Variants in ETV3 observed in about 807,000 individuals in gnomAD.
ETV3 encodes ETS translocation variant 3.
Under a neutral mutation model 33.0 loss-of-function variants are expected in ETV3, and 8 were observed. The observed-to-expected ratio is 0.24, with a 90% confidence interval of 0.14 to 0.44. ETV3 has a LOEUF of 0.44. Ranked by LOEUF, ETV3 falls within the 20% of genes least tolerant of loss-of-function variation. ETV3 has a pLI of 1.00. For synonymous variants in ETV3, 222 were observed against 238.9 expected, an observed-to-expected ratio of 0.93 and a Z score of 0.65; for missense variants, 473 against 652.3, an observed-to-expected ratio of 0.73 and a Z score of 2.99.
rs565269202 is a variant in ETV3, at chr1:157,132,217, G to T, written c.400+1895C>A. On this transcript the variant is annotated intron_variant, in intron 4 of 4. Transcript: ENST00000368192. The stretch of plus-strand genomic sequence containing the variant: ...CCGGCCTTGGCCTCCCAAAGTGTTG[G>T]GATTATAGGCATGAGCCACCTGGCC... Among the ~76,000 whole-genome samples, 245 of 152,304 alleles carry T rather than the reference G, an allele frequency of 1.6e-3. 1 individual carries two copies. The highest frequency in any genetic ancestry group is 5.7e-3 in the African/African-American group (236 of 41,576).
chr1:157,132,147 C>T (rs992136864), intron 4 of ETV3, among the ~76,000 whole-genome samples: 1 of 152,276 alleles, frequency 6.6e-6, no homozygotes, highest in Admixed American at 6.5e-5. Flanking sequence ...GGGGTTTCCC[C>T]ATGTTGGCCA....
intron 4 of ETV3, chr1:157,133,196 T>C (rs1470570062): frequency 1.9e-5 from 3 of 158,934 alleles, no homozygotes; most frequent in African/African-American, 4.8e-5. Flanking sequence ...ATAATTTTTC[T>C]ATTTTATTAT....
At position 157,136,368 on chromosome 1, in the gene ETV3, G is replaced by A. The variant is rs1675111341; in HGVS notation, c.-13-3C>T. The A allele has an allele frequency of 1.9e-6, 3 of 1,605,912 alleles. No individual in the cohort carries two copies. The highest frequency in any genetic ancestry group is 2.5e-6 in the Non-Finnish European group (3 of 1,176,872). ...CGGCTTTCATTTTCACCCGCCTGCT[G>A]AGAGACACAAGCCACACAATTACTT... On this transcript the variant is annotated splice_polypyrimidine_tract_variant and splice_region_variant and intron_variant, in intron 1 of 4. Transcript: ENST00000368192.
At position 157,123,199 on chromosome 1, in the gene ETV3, G is replaced by A. The variant is rs764546171; in HGVS notation, c.*1642C>T. The A allele has an allele frequency of 6.6e-6, 1 of 152,150 alleles. No individual in the cohort carries two copies. The highest frequency in any genetic ancestry group is 1.5e-5 in the Non-Finnish European group (1 of 68,056). 9.4% of individuals were successfully genotyped at this position (152,150 alleles called of 1,614,324 possible). A position where few individuals can be genotyped will look rare whatever the true frequency, so the allele number is the denominator to read the frequency against. On this transcript the variant is annotated 3_prime_UTR_variant, in exon 5 of 5. Transcript: ENST00000368192. ...CGGATATGGAGTGATTTCTTCTCTC[G>A]CTGCTGCGACGCAGATCTGAGCCAC... is the stretch of plus-strand genomic sequence containing the variant.
intron 1 of ETV3, among the ~76,000 whole-genome samples, chr1:157,137,971 C>G (rs1056780802): frequency 6.6e-6 from 1 of 152,192 alleles, no homozygotes; most frequent in Non-Finnish European, 1.5e-5. Flanking sequence ...GACCACTCCC[C>G]GAAGAGTGAG....
At chr1:157,133,488 A>T (rs1008321980) in intron 4 of ETV3, 213 of 985,860 alleles carry the variant, frequency 2.2e-4, no homozygotes, top group Non-Finnish European at 2.2e-4. Context: ...TCAAGAGAGA[A>T]TGTGGGGAGC....
Position 157,123,657 on chromosome 1 carries a change from T to C in ETV3, c.*1184A>G, listed in dbSNP as rs559324797. 6.6e-6 allele frequency: 1 copy of C among 152,364 alleles called. No individual in the cohort carries two copies. The highest frequency in any genetic ancestry group is 1.9e-4 in the East Asian group (1 of 5,192). The allele number at this position is 152,364 out of a possible 1,614,324, so 9.4% of individuals were successfully genotyped here. ...TCTTAACTCCCACAAGCCTGCCTTT[T>C]GGCTACCCATCCCAACAATATCAAG... On this transcript the variant is annotated 3_prime_UTR_variant, in exon 5 of 5. Transcript: ENST00000368192.
chr1:157,134,812 T>G (rs927753623), intron 3 of ETV3, among the ~76,000 whole-genome samples: 4 of 152,228 alleles, frequency 2.6e-5, no homozygotes, highest in African/African-American at 9.6e-5. Context: ...AGAGTTTACA[T>G]TTCAGGTCAG....
rs763154521 is a variant in ETV3 at position 157,124,430 on chromosome 1, T to C, written c.*411A>G. ...CCTCCCAACCATGCCCTTTTCCCTT[T>C]TATGTGTATCTCTTGGAGTAAAATA... On this transcript the variant is annotated 3_prime_UTR_variant, in exon 5 of 5. Transcript: ENST00000368192. The C allele has an allele frequency of 2.7e-4, 43 of 158,232 alleles. No homozygotes were observed. Among genetic ancestry groups the C allele is most frequent in the Non-Finnish European group, 4.4e-4 (32 of 72,024 alleles). The allele number at this position is 158,232 out of a possible 1,614,324, so 9.8% of individuals were successfully genotyped here.
In ETV3 at chr1:157,125,866, T is replaced by C; in HGVS notation, c.514A>G (p.Ser172Gly). ...TCCTGGCCAGAAGCAGTTAGGGAGC[T>C]AGCAGAGAACCGTCCCGGCTGCACA... ...NDVQPGRFSA[S>G]SLTASGQESS... The change falls in exon 5 of 5, where the codon AGC becomes GGC. Residue 172 changes from serine to glycine, a missense_variant. Physicochemically the swap from Ser to Gly is moderately conservative, Grantham distance 56 (BLOSUM62 0). Coordinates refer to ENST00000368192, the MANE Select transcript of ETV3 (RefSeq NM_001145312.3). This position sits in a 1 kb window ranked among gnomAD's most constrained non-coding sequence, Gnocchi z 4.0. 2.6e-6 allele frequency: 4 copies of C among 1,551,658 alleles called. No individual in the cohort carries two copies. Among genetic ancestry groups the C allele is most frequent in the Non-Finnish European group, 3.5e-6 (4 of 1,146,982 alleles).
Position 157,124,793 on chromosome 1 carries a change from T to G in ETV3, c.*48A>C, listed in dbSNP as rs767812766. ...CCTGAAATCTTGCTACATAAATACA[T>G]GTATGTATTTGATTATAGTATAAAC... On this transcript the variant is annotated 3_prime_UTR_variant, in exon 5 of 5. Transcript: ENST00000368192. 17 of 278,180 alleles carry G rather than the reference T, an allele frequency of 6.1e-5. No homozygotes were observed. Among genetic ancestry groups the G allele is most frequent in the Middle Eastern group, 4.6e-4 (1 of 2,168 alleles). The allele number at this position is 278,180 out of a possible 1,614,324, so 17.2% of individuals were successfully genotyped here.
At position 157,124,775 on chromosome 1, in the gene ETV3, T is replaced by G; in HGVS notation, c.*66A>C. 1.1e-5 allele frequency: 1 copy of G among 87,272 alleles called. No homozygotes were observed. 5.4% of individuals were successfully genotyped at this position (87,272 alleles called of 1,614,324 possible). A position where few individuals can be genotyped will look rare whatever the true frequency, so the allele number is the denominator to read the frequency against. Reference sequence around the variant, plus strand: ...TAACTCCCTCCCCCCCACCCTGAAATCTTGCTACATAAATACATGTATGTA... The same window carrying G: ...TAACTCCCTCCCCCCCACCCTGAAAGCTTGCTACATAAATACATGTATGTA... On this transcript the variant is annotated 3_prime_UTR_variant, in exon 5 of 5. Coordinates refer to ENST00000368192, the MANE Select transcript of ETV3 (RefSeq NM_001145312.3).
In ETV3 at chr1:157,124,980, T is replaced by A. The variant is rs1205813426; in HGVS notation, c.1400A>T (p.Asp467Val). The A allele has an allele frequency of 6.4e-7, 1 of 1,551,684 alleles. No individual in the cohort carries two copies. Among genetic ancestry groups the A allele is most frequent in the Non-Finnish European group, 8.7e-7 (1 of 1,147,034 alleles). Reference protein sequence around the residue: ...KEPSAPEKKEDALMPPKLRLK... With the variant: ...KEPSAPEKKEVALMPPKLRLK... ...CCGAAGCTTGGGGGGCATCAGTGCA[T>A]CTTCTTTCTTCTCAGGTGCACTGGG... is the stretch of plus-strand genomic sequence containing the variant. The change falls in exon 5 of 5, where the codon GAT becomes GTT. Residue 467 changes from aspartate (D) to valine (V), a missense_variant. Physicochemically the swap from Asp to Val is radical, Grantham distance 152. Around this residue, in one of 3 missense-constraint regions of ETV3, gnomAD observed 410 missense variants for 520.2 expected, o/e 0.79. Transcript: ENST00000368192.
chr1:157,122,020 A>C lies in ETV3; in HGVS notation c.*2821T>G, dbSNP rs968373899. 1 of 152,250 alleles carries C rather than the reference A, an allele frequency of 6.6e-6. No homozygotes were observed. The highest frequency in any genetic ancestry group is 1.5e-5 in the Non-Finnish European group (1 of 68,044). The allele number at this position is 152,250 out of a possible 1,614,324, so 9.4% of individuals were successfully genotyped here. ...CTAAAAAAGCAAACTTTACACGAAG[A>C]AGCTCTTGATTAAGGAAATTTCAAT... On this transcript the variant is annotated 3_prime_UTR_variant, in exon 5 of 5. Transcript: ENST00000368192.
Position 157,122,376 on chromosome 1 carries a change from T to C in ETV3, c.*2465A>G, listed in dbSNP as rs376096856. The stretch of plus-strand genomic sequence containing the variant: ...CCCCAACCCCAGAGTGCAGTGCAAA[T>C]CAACCAACAATTTACTGGTGGAATG... On this transcript the variant is annotated 3_prime_UTR_variant, in exon 5 of 5. Coordinates refer to ENST00000368192, the MANE Select transcript of ETV3 (RefSeq NM_001145312.3). 6.9e-5 allele frequency: 10 copies of C among 145,732 alleles called. No homozygotes were observed. The highest frequency in any genetic ancestry group is 2.2e-4 in the African/African-American group (9 of 40,390). The allele number at this position is 145,732 out of a possible 1,614,324, so 9.0% of individuals were successfully genotyped here. A position where few individuals can be genotyped will look rare whatever the true frequency, so the allele number is the denominator to read the frequency against.
chr1:157,136,084 C>G (rs1203714568), intron 2 of ETV3, among the ~76,000 whole-genome samples: 2 of 152,186 alleles, frequency 1.3e-5, no homozygotes, highest in African/African-American at 4.8e-5. Context: ...GGAACTGTGT[C>G]TCTGACAGCA....
intron 4 of ETV3, among the ~76,000 whole-genome samples, chr1:157,130,011 T>C (rs1011797025): frequency 5.3e-5 from 8 of 151,992 alleles, no homozygotes; most frequent in African/African-American, 1.9e-4. Flanking sequence ...GACTGGCTGA[T>C]TTTTGTATTT....
In ETV3 at chr1:157,125,617, G is replaced by C. The variant is rs1382857377; in HGVS notation, c.763C>G (p.Arg255Gly). The change falls in exon 5 of 5, where the codon CGC (arginine) becomes GGC (glycine). Residue 255 changes from arginine (R) to glycine (G), a missense_variant. Transcript: ENST00000368192. This position sits in a 1 kb window ranked among gnomAD's most constrained non-coding sequence, Gnocchi z 4.0. Reference protein sequence around the residue: ...SPFAVSPIPGRGGVLNVPISP... With the variant: ...SPFAVSPIPGGGGVLNVPISP... ...ATGGGGACATTAAGGACACCTCCGC[G>C]GCCAGGGATTGGAGAGACAGCGAAG... The C allele has an allele frequency of 1.3e-6, 2 of 1,551,646 alleles. No individual in the cohort carries two copies. The highest frequency in any genetic ancestry group is 1.7e-6 in the Non-Finnish European group (2 of 1,147,014).
Position 157,134,167 on chromosome 1 carries a change from A to G in ETV3, c.345T>C (p.Phe115=). 1 of 1,614,086 alleles carries G rather than the reference A, an allele frequency of 6.2e-7. No homozygotes were observed. Among genetic ancestry groups the G allele is most frequent in the African/African-American group, 1.3e-5 (1 of 75,054 alleles). Residue 115 remains phenylalanine (F), a synonymous_variant, in exon 4 of 5, where the codon TTT becomes TTC. Transcript: ENST00000368192. ...KTKGKRFTYK[F]NFNKLVMPNY... is the part of the protein sequence containing the mutation. ...TGGGCATCACCAGCTTGTTGAAGTT[A>G]AATTTATAGGTAAATCTTTTCCCTT...
Sources: gnomAD v4.1 joint callset for allele counts (sites outside exome capture counted in the v4.1 genomes callset) on GRCh38, gnomAD v4.1.1 for gene constraint, gnomAD v4.1.1 regional missense constraint, Gnocchi (gnomAD v3.1) non-coding constraint, MANE v1.5 for transcripts, NCBI Gene and HGNC (gene_info 2026-07-23, HGNC 2026-07-21) for gene names.